The following COX7B2 variants were observed in gnomAD, a reference collection of about 807,000 sequenced individuals.
COX7B2 encodes the protein cytochrome c oxidase subunit 7B2, mitochondrial.
For synonymous variants in COX7B2, 37 were observed against 32.1 expected (o/e 1.15, Z -0.51); for missense variants, 109 against 95.9 (o/e 1.14, Z -0.57).
chr4:46,891,505 G>GA (rs1330761588), intron 1 of COX7B2, among the ~76,000 whole-genome samples: 1 of 152,072 alleles, frequency 6.6e-6, no homozygotes. Context: ...AAAGTCAACT[G>GA]AAAAAACTAT....
chr4:46,827,541 G>A (rs1221966607), intron 2 of COX7B2, among the ~76,000 whole-genome samples: 3 of 152,058 alleles, frequency 2.0e-5, no homozygotes, highest in Non-Finnish European at 2.9e-5. Context: ...AATTATGTCC[G>A]TAGAATTGCT....
At chr4:46,885,029 A>G (rs1718990077) in intron 1 of COX7B2, among the ~76,000 whole-genome samples, 1 of 152,140 alleles carries the variant, frequency 6.6e-6, no homozygotes, top group South Asian at 2.1e-4. Context: ...AAGAAATGCC[A>G]ATACATATAA....
intron 2 of COX7B2, among the ~76,000 whole-genome samples, chr4:46,778,168 A>T (rs1717259395): frequency 6.6e-6 from 1 of 152,052 alleles, no homozygotes; most frequent in South Asian, 2.1e-4. Context: ...GTGTGATTTG[A>T]AAATCAAATT....
chr4:46,838,752 T>A (rs1279279122), intron 2 of COX7B2, among the ~76,000 whole-genome samples: 2 of 152,088 alleles, frequency 1.3e-5, no homozygotes, highest in African/African-American at 4.8e-5. Flanking sequence ...AAACTCTGTG[T>A]GTCACAGTTG....
chr4:46,861,743 T>G (rs149908931), intron 1 of COX7B2, among the ~76,000 whole-genome samples: 1 of 152,362 alleles, frequency 6.6e-6, no homozygotes, highest in Non-Finnish European at 1.5e-5. Context: ...GTAGAATGTT[T>G]CTGGCTCATG....
At chr4:46,878,539 C>T (rs1006759940) in intron 1 of COX7B2, among the ~76,000 whole-genome samples, 1 of 151,634 alleles carries the variant, frequency 6.6e-6, no homozygotes, top group East Asian at 1.9e-4. Context: ...ATCTTAAATA[C>T]ATACAATAAC....
intron 2 of COX7B2, among the ~76,000 whole-genome samples, chr4:46,772,096 G>C (rs940042661): frequency 2.2e-4 from 34 of 152,192 alleles, no homozygotes; most frequent in East Asian, 1.7e-3. Context: ...CACGCATACA[G>C]TGGAATATTA....
At chr4:46,905,395 C>T (rs1359444886) in intron 1 of COX7B2, among the ~76,000 whole-genome samples, 1 of 152,174 alleles carries the variant, frequency 6.6e-6, no homozygotes, top group Admixed American at 6.5e-5. Context: ...ACACTGTGTT[C>T]TTAGAAACCG....
chr4:46,889,731 A>G (rs1252594807), intron 1 of COX7B2, among the ~76,000 whole-genome samples: 1 of 152,208 alleles, frequency 6.6e-6, no homozygotes, highest in African/African-American at 2.4e-5. Flanking sequence ...CAGCTTTTTA[A>G]TTAAGTTTAC....
At chr4:46,837,234 C>G (rs554206141) in intron 2 of COX7B2, among the ~76,000 whole-genome samples, 16 of 150,708 alleles carry the variant, frequency 1.1e-4, no homozygotes, top group South Asian at 4.2e-4. Flanking sequence ...TGTACATCAA[C>G]AGATGAATGG....
intron 2 of COX7B2, among the ~76,000 whole-genome samples, chr4:46,816,388 A>G (rs1234554357): frequency 6.6e-6 from 1 of 152,178 alleles, no homozygotes; most frequent in Non-Finnish European, 1.5e-5. Flanking sequence ...AATGGCCACT[A>G]AAATGCGACC....
chr4:46,857,337 A>G (rs1717064290), intron 1 of COX7B2, among the ~76,000 whole-genome samples: 1 of 152,220 alleles, frequency 6.6e-6, no homozygotes, highest in Non-Finnish European at 1.5e-5. Flanking sequence ...GATGGAAAAC[A>G]TTTTTCAGTG....
intron 2 of COX7B2, among the ~76,000 whole-genome samples, chr4:46,801,451 C>T (rs974465810): frequency 3.3e-5 from 5 of 152,048 alleles, no homozygotes; most frequent in Non-Finnish European, 7.4e-5. Context: ...TAGCTAAAGG[C>T]CATTATCCTA....
At chr4:46,738,014 A>G (rs1714468652) in intron 2 of COX7B2, among the ~76,000 whole-genome samples, 1 of 152,166 alleles carries the variant, frequency 6.6e-6, no homozygotes, top group Non-Finnish European at 1.5e-5. Context: ...CTTCCCACCC[A>G]AAGACACCAA....
intron 1 of COX7B2, among the ~76,000 whole-genome samples, chr4:46,875,571 T>G (rs1374715268): frequency 6.6e-6 from 1 of 152,136 alleles, no homozygotes; most frequent in Non-Finnish European, 1.5e-5. Context: ...GTCACAATCT[T>G]GTGCAAGTTC....
intron 2 of COX7B2, among the ~76,000 whole-genome samples, chr4:46,745,570 T>C (rs1188794431): frequency 2.0e-5 from 3 of 152,230 alleles, no homozygotes; most frequent in African/African-American, 4.8e-5. Flanking sequence ...GATTCATTAT[T>C]TGTAAGTGAG....
chr4:46,763,201 A>T (rs1215898235), intron 2 of COX7B2, among the ~76,000 whole-genome samples: 2 of 135,834 alleles, frequency 1.5e-5, no homozygotes, highest in African/African-American at 2.8e-5. Context: ...ATAATATATG[A>T]TATTATATTT....
At chr4:46,804,251 G>A (rs988569245) in intron 2 of COX7B2, among the ~76,000 whole-genome samples, 3 of 152,166 alleles carry the variant, frequency 2.0e-5, no homozygotes, top group Non-Finnish European at 4.4e-5. Flanking sequence ...CCCAAAGAGT[G>A]AGCAGTAGCA....
At chr4:46,863,773 C>A (rs1223055532) in intron 1 of COX7B2, among the ~76,000 whole-genome samples, 3 of 152,074 alleles carry the variant, frequency 2.0e-5, no homozygotes, top group Non-Finnish European at 4.4e-5. Context: ...TCTTAGAGGT[C>A]TATAAAAGCA....
Sources: allele counts gnomAD v4.1 joint callset (sites outside exome capture counted in the v4.1 genomes callset), GRCh38; gene constraint gnomAD v4.1.1; transcripts MANE v1.5; gene names NCBI Gene and HGNC (gene_info 2026-07-23, HGNC 2026-07-21).